The following CHN2 variants were observed in gnomAD, a reference collection of about 807,000 sequenced individuals.
The protein encoded by CHN2 is chimerin 2, also known as beta-chimaerin.
Under a neutral mutation model 56.3 loss-of-function variants are expected in CHN2, and 35 were observed. The ratio of observed to expected loss-of-function variants is 0.62; its 90% confidence interval spans 0.47 to 0.82. CHN2 has a LOEUF of 0.82. CHN2 is among the 40% of genes least tolerant of loss of function. CHN2 has a pLI of 0.00. For synonymous variants in CHN2, 210 were observed against 212.8 expected (o/e 0.99, Z 0.12); for missense variants, 491 against 580.5 (o/e 0.85, Z 1.58).
intron 1 of CHN2, among the ~76,000 whole-genome samples, chr7:29,349,490 C>T (rs139995541): frequency 2.8e-4 from 42 of 152,224 alleles, no homozygotes; most frequent in Admixed American, 1.8e-3. Context: ...TGCTCTCAAC[C>T]GCAAACTCTC....
intron 3 of CHN2, among the ~76,000 whole-genome samples, chr7:29,381,218 G>T (rs1283653825): frequency 1.3e-5 from 2 of 152,124 alleles, no homozygotes; most frequent in African/African-American, 4.8e-5. Context: ...TGGGAGGTCA[G>T]CCAGCCAGCC....
At chr7:29,437,115 T>C (rs1562605880) in intron 6 of CHN2, among the ~76,000 whole-genome samples, 1 of 152,162 alleles carries the variant, frequency 6.6e-6, no homozygotes, top group Non-Finnish European at 1.5e-5. Context: ...TATATATTTG[T>C]TGTATCTTTA....
At chr7:29,159,522 A>C (rs1171241626) in intron 2 of CHN2, among the ~76,000 whole-genome samples, 3 of 152,210 alleles carry the variant, frequency 2.0e-5, no homozygotes. Context: ...TGTAACATGT[A>C]TGTGTTATCA....
intron 1 of CHN2, among the ~76,000 whole-genome samples, chr7:29,298,463 C>T (rs189793475): frequency 6.6e-6 from 1 of 152,168 alleles, no homozygotes; most frequent in Non-Finnish European, 1.5e-5. Flanking sequence ...TAGTCCTTCT[C>T]CAACAAGGGA....
intron 1 of CHN2, among the ~76,000 whole-genome samples, chr7:29,206,435 C>T (rs1784524196): frequency 6.6e-6 from 1 of 152,132 alleles, no homozygotes; most frequent in Non-Finnish European, 1.5e-5. Context: ...GTGCGTGCCA[C>T]CACACCCAGC....
intron 3 of CHN2, among the ~76,000 whole-genome samples, chr7:29,373,416 C>G (rs538987820): frequency 6.6e-6 from 1 of 152,028 alleles, no homozygotes; most frequent in Non-Finnish European, 1.5e-5. Flanking sequence ...CTCAGGTGAT[C>G]TGCCTGCCTC....
intron 6 of CHN2, among the ~76,000 whole-genome samples, chr7:29,476,690 T>G (rs988166859): frequency 6.6e-5 from 10 of 152,198 alleles, no homozygotes; most frequent in African/African-American, 2.2e-4. Context: ...ACAGCGTTGC[T>G]TCCCAGGGAA....
At chr7:29,203,784 TC>T (rs2128771228) in intron 1 of CHN2, among the ~76,000 whole-genome samples, 1 of 152,320 alleles carries the variant, frequency 6.6e-6, no homozygotes, top group South Asian at 2.1e-4. Context: ...GATTCTCAGG[TC>T]CCTGTTTGGT....
intron 2 of CHN2, among the ~76,000 whole-genome samples, chr7:29,169,837 C>T (rs557023839): frequency 6.6e-6 from 1 of 150,998 alleles, no homozygotes; most frequent in African/African-American, 2.4e-5. Context: ...TATATATATA[C>T]ACACATATAT....
rs11489364 is a variant in CHN2, at chr7:29,484,549, A to G, written c.654+4193A>G. Among the ~76,000 whole-genome samples, 984 of 152,270 alleles carry G rather than the reference A, an allele frequency of 6.5e-3. 17 individuals are homozygous for G. Among genetic ancestry groups the G allele is most frequent in the African/African-American group, 0.022 (929 of 41,536 alleles). Reference sequence around the variant, plus strand: ...CTCCAATCTCTGCCTCCATCTTCATATAGCCTTCTCTGTATGTCTCTGTAT... The same window carrying G: ...CTCCAATCTCTGCCTCCATCTTCATGTAGCCTTCTCTGTATGTCTCTGTAT... On this transcript the variant is annotated intron_variant, in intron 7 of 12. Transcript: ENST00000222792.
intron 1 of CHN2, among the ~76,000 whole-genome samples, chr7:29,219,313 CT>C (rs1221316021): frequency 6.6e-6 from 1 of 152,050 alleles, no homozygotes; most frequent in African/African-American, 2.4e-5. Flanking sequence ...ATTTTACAAT[CT>C]TTAGGGTAAT....
intron 6 of CHN2, among the ~76,000 whole-genome samples, chr7:29,463,572 G>C (rs1268068501): frequency 1.3e-5 from 2 of 152,200 alleles, no homozygotes; most frequent in Non-Finnish European, 2.9e-5. Flanking sequence ...TGTCATTTGG[G>C]GGTAAAGGAC....
At chr7:29,349,702 A>G (rs1797731330) in intron 1 of CHN2, among the ~76,000 whole-genome samples, 1 of 152,204 alleles carries the variant, frequency 6.6e-6, no homozygotes, top group Non-Finnish European at 1.5e-5. Context: ...GGTTAGATAC[A>G]TATTAGTCAA....
At chr7:29,204,057 TTC>T (rs201492481) in intron 1 of CHN2, among the ~76,000 whole-genome samples, 9,244 of 125,574 alleles carry the variant, frequency 0.074, 329 homozygotes, top group Admixed American at 0.078. Flanking sequence ...GCACACGTTT[TTC>T]TCTCTCTCTG....
At chr7:29,353,635 A>G (rs780296846) in intron 1 of CHN2, among the ~76,000 whole-genome samples, 4 of 152,188 alleles carry the variant, frequency 2.6e-5, no homozygotes, top group African/African-American at 7.2e-5. Context: ...CTGTCTCAAA[A>G]AAAAAGAAAG....
intron 2 of CHN2, among the ~76,000 whole-genome samples, chr7:29,358,711 G>C (rs1033933513): frequency 6.6e-6 from 1 of 152,044 alleles, no homozygotes; most frequent in African/African-American, 2.4e-5. Context: ...TGATCTGCCC[G>C]CCTCGGCCTC....
intron 6 of CHN2, among the ~76,000 whole-genome samples, chr7:29,429,194 A>G (rs549197462): frequency 2.8e-4 from 42 of 152,306 alleles, no homozygotes; most frequent in Non-Finnish European, 4.6e-4. Flanking sequence ...ATTTGGTTTC[A>G]TATACTCAGA....
At chr7:29,220,329 G>C (rs1451447563) in intron 1 of CHN2, among the ~76,000 whole-genome samples, 1 of 146,872 alleles carries the variant, frequency 6.8e-6, no homozygotes, top group African/African-American at 2.5e-5. Flanking sequence ...AATTATAGAA[G>C]TAGGAAACGA....
chr7:29,147,223 C>A, intron 2 of CHN2: 1 of 474,234 alleles, frequency 2.1e-6, no homozygotes, highest in Non-Finnish European at 3.8e-6. Flanking sequence ...GTTGCAATGG[C>A]AAGTAGATAA....
Sources: allele counts gnomAD v4.1 joint callset (sites outside exome capture counted in the v4.1 genomes callset), GRCh38; gene constraint gnomAD v4.1.1; transcripts MANE v1.5; gene names NCBI Gene and HGNC (gene_info 2026-07-23, HGNC 2026-07-21).